TCF12: variants seen among roughly 807,000 people sequenced by gnomAD.
The protein encoded by TCF12 is transcription factor 12.
In TCF12, 45 loss-of-function variants were observed where a neutral mutation model predicts 86.0. That is an observed-to-expected ratio of 0.52 (90% CI 0.41 to 0.67). TCF12 has a LOEUF of 0.67. Among genes scored for constraint, TCF12 ranks in the 30% least tolerant of loss-of-function variants. TCF12 has a pLI of 0.00. For missense variants in TCF12, 881 were observed against 859.9 expected, an observed-to-expected ratio of 1.02 and a Z score of -0.31; for synonymous variants, 330 against 299.6, an observed-to-expected ratio of 1.10 and a Z score of -1.05.
chr15:57,210,384 A>G (rs2058052012), intron 8 of TCF12, among the ~76,000 whole-genome samples: 2 of 151,810 alleles, frequency 1.3e-5, no homozygotes, highest in African/African-American at 4.8e-5. Flanking sequence ...ACTGTATTAT[A>G]AAACATCTAA....
At chr15:57,024,854 A>T (rs1267500965) in intron 3 of TCF12, among the ~76,000 whole-genome samples, 2 of 152,196 alleles carry the variant, frequency 1.3e-5, no homozygotes, top group African/African-American at 4.8e-5. Flanking sequence ...GGTAAGGGAG[A>T]GGAACGAATT....
intron 3 of TCF12, among the ~76,000 whole-genome samples, chr15:56,933,396 TGAGC>T (rs2060330661): frequency 6.6e-6 from 1 of 152,220 alleles, no homozygotes; most frequent in African/African-American, 2.4e-5. Flanking sequence ...TGTAGGTATT[TGAGC>T]GAGTACCTAC....
chr15:56,977,330 C>T (rs1038432445), intron 3 of TCF12, among the ~76,000 whole-genome samples: 1 of 151,806 alleles, frequency 6.6e-6, no homozygotes, highest in African/African-American at 2.4e-5. Context: ...TCCAGGAGTT[C>T]GAGACCAGCC....
intron 10 of TCF12, 112 bp from the exon 11 acceptor site, chr15:57,232,600 C>G (rs1047440141): frequency 1.4e-6 from 2 of 1,437,476 alleles, no homozygotes; most frequent in Admixed American, 2.3e-5. Flanking sequence ...ATAAGTAGTG[C>G]TCTTTAGCTG....
chr15:57,085,447 C>T (rs1485734728), intron 4 of TCF12, among the ~76,000 whole-genome samples: 1 of 152,144 alleles, frequency 6.6e-6, no homozygotes, highest in Non-Finnish European at 1.5e-5. Context: ...ACAGATTAGT[C>T]ACCTACTACA....
chr15:57,187,923 G>A lies in TCF12; in HGVS notation c.391-4235G>A, dbSNP rs372089445. On this transcript the variant is annotated intron_variant, in intron 6 of 20. Coordinates refer to ENST00000333725, the MANE Select transcript of TCF12 (RefSeq NM_207037.2). ...CCAGCCTGGGAGCCTGGATGATAGA[G>A]TGAGACTCCATCTCAAAAAAATAAA... Among the ~76,000 whole-genome samples the A allele has an allele frequency of 3.3e-5, 5 of 152,132 alleles. No individual in the cohort carries two copies. In the East Asian group the frequency reaches 5.8e-4, roughly 18 times the overall value.
intron 3 of TCF12, among the ~76,000 whole-genome samples, chr15:57,048,129 A>C (rs2067355646): frequency 6.6e-6 from 1 of 152,230 alleles, no homozygotes; most frequent in African/African-American, 2.4e-5. Context: ...AATTTCTAAA[A>C]ATAACATTGC....
intron 3 of TCF12, among the ~76,000 whole-genome samples, chr15:56,945,560 A>C (rs2060959586): frequency 6.6e-6 from 1 of 151,954 alleles, no homozygotes; most frequent in Admixed American, 6.6e-5. Flanking sequence ...TTGATGATGA[A>C]ATAGTGTCTT....
intron 2 of TCF12, 61 bp from the exon 3 acceptor site, chr15:56,920,965 T>C (rs1242205512): frequency 1.5e-6 from 2 of 1,376,994 alleles, no homozygotes; most frequent in African/African-American, 1.5e-5. Context: ...TGGTGGACTT[T>C]TGTTTGCAAG....
chr15:57,189,044 T>A (rs1285307077), intron 6 of TCF12, among the ~76,000 whole-genome samples: 1 of 152,162 alleles, frequency 6.6e-6, no homozygotes, highest in Non-Finnish European at 1.5e-5. Context: ...CTGCCTCAGC[T>A]TCCCAAAGTA....
At chr15:57,219,555 A>G (rs767555615) in intron 8 of TCF12, 4 of 1,613,576 alleles carry the variant, frequency 2.5e-6, no homozygotes, top group Non-Finnish European at 3.4e-6. Context: ...TGGAATGGGC[A>G]GCAATTCTTT....
At chr15:57,062,999 C>A (rs1224635939) in intron 3 of TCF12, among the ~76,000 whole-genome samples, 3 of 152,078 alleles carry the variant, frequency 2.0e-5, no homozygotes, top group Non-Finnish European at 4.4e-5. Context: ...GGGACTGATT[C>A]GGAGGTGAAA....
At chr15:57,033,440 T>C (rs756185542) in intron 3 of TCF12, among the ~76,000 whole-genome samples, 3 of 152,174 alleles carry the variant, frequency 2.0e-5, no homozygotes, top group Admixed American at 6.5e-5. Context: ...CTTGTGACTT[T>C]GGGAATTATT....
chr15:57,124,741 G>A (rs955102912), intron 5 of TCF12, among the ~76,000 whole-genome samples: 4 of 151,740 alleles, frequency 2.6e-5, no homozygotes, highest in South Asian at 2.1e-4. Context: ...GCAGTGACGC[G>A]ATCTCGGCTC....
intron 5 of TCF12, among the ~76,000 whole-genome samples, chr15:57,138,671 C>G (rs1419223857): frequency 3.9e-5 from 6 of 152,136 alleles, no homozygotes; most frequent in Non-Finnish European, 7.4e-5. Flanking sequence ...CAAAAGAGTT[C>G]ATTTGGAGAC....
intron 5 of TCF12, among the ~76,000 whole-genome samples, chr15:57,149,244 A>G (rs151316088): frequency 6.4e-4 from 97 of 152,340 alleles, no homozygotes; most frequent in African/African-American, 2.3e-3. Context: ...TATCTGTAGC[A>G]TATATTTAGA....
At chr15:57,126,274 G>A (rs2051643029) in intron 5 of TCF12, among the ~76,000 whole-genome samples, 1 of 152,044 alleles carries the variant, frequency 6.6e-6, no homozygotes, top group African/African-American at 2.4e-5. Flanking sequence ...TTTAAATTGA[G>A]ACCTCAACAG....
intron 18 of TCF12, among the ~76,000 whole-genome samples, chr15:57,270,437 ATATTC>A (rs1389430052): frequency 4.2e-4 from 64 of 152,156 alleles, no homozygotes; most frequent in African/African-American, 1.5e-3. Context: ...TCTATGCTGG[ATATTC>A]TATTTAGCCA....
intron 3 of TCF12, among the ~76,000 whole-genome samples, chr15:57,000,362 T>A (rs1451927785): frequency 1.5e-5 from 2 of 136,456 alleles, no homozygotes; most frequent in Admixed American, 7.4e-5. Flanking sequence ...TTTTTTTTTT[T>A]AAACATATAA....
Sources: gnomAD v4.1 joint callset for allele counts (sites outside exome capture counted in the v4.1 genomes callset) on GRCh38, gnomAD v4.1.1 for gene constraint, MANE v1.5 for transcripts, NCBI Gene and HGNC (gene_info 2026-07-23, HGNC 2026-07-21) for gene names.